CDON: variants seen among roughly 807,000 people sequenced by gnomAD.
CDON encodes the protein cell adhesion molecule-related/down-regulated by oncogenes.
A neutral mutation model predicts 120.9 loss-of-function variants in CDON; 73 were observed. The observed-to-expected ratio is 0.60, with a 90% confidence interval of 0.50 to 0.73. The LOEUF (loss-of-function observed/expected upper bound fraction) is 0.73. Ranked by LOEUF, CDON falls within the 30% of genes least tolerant of loss-of-function variation. CDON has a pLI of 0.00. For synonymous variants in CDON, 566 were observed against 573.5 expected, an observed-to-expected ratio of 0.99 and a Z score of 0.19; for missense variants, 1,470 against 1,587.3, an observed-to-expected ratio of 0.93 and a Z score of 1.26.
At chr11:126,021,696 T>A (rs923836333) in intron 2 of CDON, among the ~76,000 whole-genome samples, 176 bp from the exon 3 acceptor site, 6 of 152,232 alleles carry the variant, frequency 3.9e-5, no homozygotes, top group East Asian at 3.8e-4. Flanking sequence ...TATAAGCCTA[T>A]TTGTTGGAAG....
intron 1 of CDON, among the ~76,000 whole-genome samples, chr11:126,031,291 C>T (rs1475219616): frequency 2.6e-5 from 4 of 152,160 alleles, no homozygotes; most frequent in Non-Finnish European, 4.4e-5. Flanking sequence ...AATACAGACT[C>T]GTCTAACATG....
chr11:126,043,540 G>A (rs1948323798), intron 1 of CDON, among the ~76,000 whole-genome samples: 1 of 152,128 alleles, frequency 6.6e-6, no homozygotes, highest in African/African-American at 2.4e-5. Context: ...CAGTGACATT[G>A]TTACCAATCC....
chr11:126,021,841 C>T (rs977307918), intron 2 of CDON, among the ~76,000 whole-genome samples: 11 of 152,046 alleles, frequency 7.2e-5, no homozygotes, highest in African/African-American at 2.4e-4. Context: ...CTGGGGCCCC[C>T]GCCTATAATA....
chr11:126,045,460 AATCATTAAAC>A (rs1207946132), intron 1 of CDON, among the ~76,000 whole-genome samples: 5 of 152,242 alleles, frequency 3.3e-5, no homozygotes, highest in African/African-American at 1.2e-4. Flanking sequence ...AATAGTTCTC[AATCATTAAAC>A]ATAACAATAG....
intron 18 of CDON, among the ~76,000 whole-genome samples, chr11:125,970,610 C>T (rs1319758228): frequency 6.6e-6 from 1 of 152,216 alleles, no homozygotes; most frequent in East Asian, 1.9e-4. Context: ...AGGGCCATGG[C>T]CGTCTTCCCT....
rs1361175523 is a variant in CDON, at chr11:125,958,952, C to T, written c.*1990G>A. On this transcript the variant is annotated 3_prime_UTR_variant, in exon 20 of 20. Coordinates refer to ENST00000531738, the MANE Select transcript of CDON (RefSeq NM_001378964.1). ...CATATTCTGTGCGCTGGGACTTTGT[C>T]CTTTGCTAGTCACAGAAGTAAGGGA... 6.6e-6 allele frequency: 1 copy of T among 152,148 alleles called. No homozygotes were observed. The highest frequency in any genetic ancestry group is 1.5e-5 in the Non-Finnish European group (1 of 68,034). 9.4% of individuals were successfully genotyped at this position (152,148 alleles called of 1,614,324 possible). A position where few individuals can be genotyped will look rare whatever the true frequency, so the allele number is the denominator to read the frequency against.
In CDON at chr11:126,062,851, G is replaced by A. The variant is rs984217106; in HGVS notation, c.-334C>T. 8 of 151,806 alleles carry A rather than the reference G, an allele frequency of 5.3e-5. No individual in the cohort carries two copies. The highest frequency in any genetic ancestry group is 1.9e-4 in the African/African-American group (8 of 41,338). The allele number at this position is 151,806 out of a possible 1,614,324, so 9.4% of individuals were successfully genotyped here. A position where few individuals can be genotyped will look rare whatever the true frequency, so the allele number is the denominator to read the frequency against. ...GGGCTCCCGGGCTCAGGGGAGGGGA[G>A]CTGAGGGGCGGAGTCACCGGGGCGC... On this transcript the variant is annotated 5_prime_UTR_variant, in exon 1 of 20. Coordinates refer to ENST00000531738, the MANE Select transcript of CDON (RefSeq NM_001378964.1).
At chr11:125,992,395 CTACATAACTG>C (rs2134507966) in intron 14 of CDON, among the ~76,000 whole-genome samples, 1 of 152,288 alleles carries the variant, frequency 6.6e-6, no homozygotes, top group Admixed American at 6.5e-5. Flanking sequence ...ACAGAAAAGT[CTACATAACTG>C]TACAGCTCAA....
chr11:126,038,983 C>T (rs531814537), intron 1 of CDON, among the ~76,000 whole-genome samples: 5 of 152,290 alleles, frequency 3.3e-5, no homozygotes, highest in Non-Finnish European at 5.9e-5. Context: ...AACAAAGCAG[C>T]TTTTATATAG....
intron 7 of CDON, among the ~76,000 whole-genome samples, chr11:126,011,916 TAAC>T (rs1160977666): frequency 1.3e-5 from 2 of 152,208 alleles, no homozygotes; most frequent in East Asian, 3.8e-4. Context: ...TCCATGCTGA[TAAC>T]AATTATCCCA....
Position 126,004,014 on chromosome 11 carries a change from A to AT in CDON, c.1913dup (p.Asn638LysfsTer2), listed in dbSNP as rs1488566899. ...GCTCCAGCTCAGCTAAATGGAGCTC[A>AT]TTTTCACTTCCTGGGACTCGAACCG... is the stretch of plus-strand genomic sequence containing the variant. On this transcript the variant is annotated frameshift_variant, in exon 10 of 20. Coordinates refer to ENST00000531738, the MANE Select transcript of CDON (RefSeq NM_001378964.1). LOFTEE classifies it high-confidence loss of function. 5.0e-6 allele frequency: 8 copies of AT among 1,613,318 alleles called. No homozygotes were observed. Among genetic ancestry groups the AT allele is most frequent in the Non-Finnish European group, 6.8e-6 (8 of 1,179,462 alleles).
At chr11:125,969,718 CCTGTTAGTTTA>C (rs1173570927) in intron 18 of CDON, among the ~76,000 whole-genome samples, 1 of 152,182 alleles carries the variant, frequency 6.6e-6, no homozygotes, top group Non-Finnish European at 1.5e-5. Context: ...TGGTCTGGGA[CCTGTTAGTTTA>C]CTAAGATACC....
chr11:126,027,598 A>G (rs1232448142), intron 1 of CDON, among the ~76,000 whole-genome samples: 1 of 152,220 alleles, frequency 6.6e-6, no homozygotes, highest in Non-Finnish European at 1.5e-5. Context: ...AAAGTTTACC[A>G]TAACTAAACA....
At chr11:126,048,082 G>T (rs1469544856) in intron 1 of CDON, among the ~76,000 whole-genome samples, 1 of 152,042 alleles carries the variant, frequency 6.6e-6, no homozygotes, top group Non-Finnish European at 1.5e-5. Context: ...TTCAAGACCA[G>T]CCTGGCCAAC....
intron 1 of CDON, among the ~76,000 whole-genome samples, chr11:126,059,750 A>C (rs1380864634): frequency 6.6e-6 from 1 of 152,186 alleles, no homozygotes; most frequent in Admixed American, 6.5e-5. Flanking sequence ...AAAAGGCACC[A>C]GGCAGCTAGA....
Position 126,062,865 on chromosome 11 carries a change from T to G in CDON, c.-348A>C, listed in dbSNP as rs1948839893. The G allele has an allele frequency of 6.7e-6, 1 of 149,920 alleles. No homozygotes were observed. Among genetic ancestry groups the G allele is most frequent in the Non-Finnish European group, 1.5e-5 (1 of 67,456 alleles). 9.3% of individuals were successfully genotyped at this position (149,920 alleles called of 1,614,324 possible). On this transcript the variant is annotated 5_prime_UTR_variant, in exon 1 of 20. Coordinates refer to ENST00000531738, the MANE Select transcript of CDON (RefSeq NM_001378964.1). ...AGGGGAGGGGAGCTGAGGGGCGGAG[T>G]CACCGGGGCGCGCCCCCGCGGCTGC...
intron 18 of CDON, among the ~76,000 whole-genome samples, chr11:125,972,164 G>A (rs11220291): frequency 0.31 from 47,690 of 152,018 alleles, 7,682 homozygotes; most frequent in African/African-American, 0.37. Flanking sequence ...GGTAGCTCGC[G>A]CCTGTAATCT....
At chr11:126,020,945 A>C (rs1474599793) in intron 3 of CDON, among the ~76,000 whole-genome samples, 6 of 152,108 alleles carry the variant, frequency 3.9e-5, no homozygotes, top group Admixed American at 3.9e-4. Context: ...TTCAGAATTC[A>C]CATTTAAAAA....
chr11:125,977,923 C>A (rs190109676), intron 18 of CDON, among the ~76,000 whole-genome samples: 1 of 152,026 alleles, frequency 6.6e-6, no homozygotes, highest in Non-Finnish European at 1.5e-5. Context: ...CCCCCTCCCC[C>A]CAACACTCAG....
Sources: gnomAD v4.1 joint callset for allele counts (sites outside exome capture counted in the v4.1 genomes callset) on GRCh38, gnomAD v4.1.1 for gene constraint, MANE v1.5 for transcripts, NCBI Gene and HGNC (gene_info 2026-07-23, HGNC 2026-07-21) for gene names.